The following BRINP2 variants were observed in gnomAD, a reference collection of about 807,000 sequenced individuals.
The protein encoded by BRINP2 is BMP/retinoic acid inducible neural specific 2, also known as BMP/retinoic acid-inducible neural-specific protein 2.
Under a neutral mutation model 69.2 loss-of-function variants are expected in BRINP2, and 21 were observed. The ratio of observed to expected loss-of-function variants is 0.30; its 90% CI spans 0.22 to 0.44. The LOEUF (loss-of-function observed/expected upper bound fraction) is 0.44, where lower values mean the gene tolerates loss of function less well. Ranked by LOEUF, BRINP2 falls within the 20% of genes least tolerant of loss-of-function variation. BRINP2 has a pLI of 1.00. For missense variants in BRINP2, 877 were observed against 986.0 expected (o/e 0.89, Z 1.48); for synonymous variants, 380 against 394.1 (o/e 0.96, Z 0.42).
intron 4 of BRINP2, among the ~76,000 whole-genome samples, chr1:177,258,458 G>A (rs1386109175): frequency 6.6e-6 from 1 of 152,236 alleles, no homozygotes; most frequent in Non-Finnish European, 1.5e-5. Flanking sequence ...TTCCTGCCCT[G>A]ATAAAGCTTG....
intron 2 of BRINP2, among the ~76,000 whole-genome samples, chr1:177,241,062 C>T (rs1650188094): frequency 6.6e-6 from 1 of 152,034 alleles, no homozygotes; most frequent in South Asian, 2.1e-4. Context: ...AACTCCGCCT[C>T]CCGGGTTCAT....
chr1:177,277,350 G>A (rs1322725214), intron 6 of BRINP2, among the ~76,000 whole-genome samples: 1 of 151,600 alleles, frequency 6.6e-6, no homozygotes, highest in Non-Finnish European at 1.5e-5. Flanking sequence ...GTTACATCTG[G>A]ATAGAGAGAA....
At chr1:177,181,926 T>C (rs937279387) in intron 1 of BRINP2, among the ~76,000 whole-genome samples, 15 of 152,220 alleles carry the variant, frequency 9.9e-5, no homozygotes, top group African/African-American at 3.6e-4. Context: ...CCCCGGAGGT[T>C]GCCGAGGAGT....
intron 6 of BRINP2, among the ~76,000 whole-genome samples, chr1:177,277,697 C>A (rs1258675702): frequency 6.6e-6 from 1 of 152,036 alleles, no homozygotes; most frequent in Non-Finnish European, 1.5e-5. Context: ...AGTCCCCAGG[C>A]TCATGCTTTG....
chr1:177,202,065 T>C (rs1341857018), intron 1 of BRINP2, among the ~76,000 whole-genome samples: 1 of 152,238 alleles, frequency 6.6e-6, no homozygotes, highest in Non-Finnish European at 1.5e-5. Context: ...GTCATTTTTT[T>C]ATTGCATCTA....
At chr1:177,171,950 T>G (rs1349177217) in intron 1 of BRINP2, among the ~76,000 whole-genome samples, 1 of 152,192 alleles carries the variant, frequency 6.6e-6, no homozygotes, top group Non-Finnish European at 1.5e-5. Context: ...TATTGCCTCC[T>G]GGTGTTGCAT....
intron 5 of BRINP2, among the ~76,000 whole-genome samples, chr1:177,274,087 CT>C (rs1651419201): frequency 6.6e-6 from 1 of 152,184 alleles, no homozygotes; most frequent in Non-Finnish European, 1.5e-5. Context: ...GTGGCCCCTG[CT>C]TTCTGTTATT....
At position 177,252,691 on chromosome 1, in the gene BRINP2, T is replaced by G. The variant is rs1571932505; in HGVS notation, c.270-3228T>G. 2.0e-5 allele frequency among the ~76,000 whole-genome samples: 3 copies of G among 152,100 alleles called. No individual in the cohort carries two copies. The East Asian group carries it at 5.8e-4, about 29-fold the overall frequency. On this transcript the variant is annotated intron_variant, in intron 2 of 7. Coordinates refer to ENST00000361539, the MANE Select transcript of BRINP2 (RefSeq NM_021165.4). ...AACTTATTCTTCCTAACTATAACTT[T>G]GTATCTGTCAACCAAGCTCTCCCCA...
Position 177,276,306 on chromosome 1 carries a change from G to T in BRINP2, c.884G>T (p.Cys295Phe), listed in dbSNP as rs755806751. ...GAGCTCGTCTGCAAGGAGAATGACT[G>T]CTGGTGCAAGTGCAGCCCCACCTTC... ...EGELVCKEND[C>F]WCKCSPTFPE... is the part of the protein sequence containing the mutation. Residue 295 changes from cysteine to phenylalanine, a missense_variant, in exon 6 of 8, where the codon TGC (cysteine) becomes TTC (phenylalanine). Physicochemically the swap from Cys to Phe is radical, Grantham distance 205. This residue lies in a region of BRINP2 where 566 missense variants were observed against 625.2 expected (regional missense o/e 0.91). Coordinates refer to ENST00000361539, the MANE Select transcript of BRINP2 (RefSeq NM_021165.4). The T allele has an allele frequency of 3.1e-6, 5 of 1,614,098 alleles. No homozygotes were observed. Among genetic ancestry groups the T allele is most frequent in the Non-Finnish European group, 4.2e-6 (5 of 1,180,052 alleles).
chr1:177,190,743 G>A (rs902759054), intron 1 of BRINP2, among the ~76,000 whole-genome samples: 2 of 152,222 alleles, frequency 1.3e-5, no homozygotes, highest in African/African-American at 4.8e-5. Flanking sequence ...GTATGGTTAA[G>A]ACAACAGACT....
chr1:177,201,720 G>A (rs1019994675), intron 1 of BRINP2, among the ~76,000 whole-genome samples: 1 of 152,160 alleles, frequency 6.6e-6, no homozygotes, highest in African/African-American at 2.4e-5. Context: ...CTCTTAAAAT[G>A]AGTTAGGGAG....
chr1:177,209,908 G>C (rs1649177588), intron 1 of BRINP2, among the ~76,000 whole-genome samples: 1 of 152,152 alleles, frequency 6.6e-6, no homozygotes, highest in Non-Finnish European at 1.5e-5. Flanking sequence ...AGAAGGTAAA[G>C]AGCATCCATA....
chr1:177,200,971 T>C (rs1466633584), intron 1 of BRINP2, among the ~76,000 whole-genome samples: 2 of 152,118 alleles, frequency 1.3e-5, no homozygotes, highest in African/African-American at 4.8e-5. Context: ...TGTTCTCACT[T>C]ATAAGTGAGA....
intron 4 of BRINP2, among the ~76,000 whole-genome samples, chr1:177,264,393 C>T (rs951555270): frequency 1.2e-4 from 18 of 152,200 alleles, no homozygotes; most frequent in Admixed American, 7.9e-4. Flanking sequence ...CTTTGAAAAT[C>T]GGCACAAGAC....
At chr1:177,192,134 G>T (rs1047242975) in intron 1 of BRINP2, among the ~76,000 whole-genome samples, 4 of 152,156 alleles carry the variant, frequency 2.6e-5, no homozygotes, top group African/African-American at 9.7e-5. Flanking sequence ...TCCAATAATT[G>T]CTCTGCTATG....
At chr1:177,202,556 G>T (rs1337558362) in intron 1 of BRINP2, among the ~76,000 whole-genome samples, 2 of 152,132 alleles carry the variant, frequency 1.3e-5, no homozygotes, top group African/African-American at 4.8e-5. Context: ...ATTGCACTGT[G>T]GTCTGAGAGA....
Position 177,171,467 on chromosome 1 carries a change from C to T in BRINP2, c.-342C>T. 1.2e-5 allele frequency: 2 copies of T among 162,940 alleles called. No individual in the cohort carries two copies. Among genetic ancestry groups the T allele is most frequent in the Non-Finnish European group, 2.6e-5 (2 of 75,914 alleles). The allele number at this position is 162,940 out of a possible 1,614,324, so 10.1% of individuals were successfully genotyped here. A position where few individuals can be genotyped will look rare whatever the true frequency, so the allele number is the denominator to read the frequency against. ...AGTGGTCTAACGTTGGCGGCGGTGG[C>T]GGTGGCGGCGGCGGCGGCACCGACA... On this transcript the variant is annotated 5_prime_UTR_variant, in exon 1 of 8. Transcript: ENST00000361539.
intron 1 of BRINP2, among the ~76,000 whole-genome samples, chr1:177,228,252 C>A (rs1649761232): frequency 1.3e-5 from 2 of 152,226 alleles, no homozygotes; most frequent in African/African-American, 2.4e-5. Context: ...CAAGCTGTGT[C>A]CTCCATCCTT....
chr1:177,229,494 C>G (rs981888151), intron 1 of BRINP2, among the ~76,000 whole-genome samples: 11 of 152,174 alleles, frequency 7.2e-5, no homozygotes, highest in African/African-American at 2.7e-4. Flanking sequence ...GGTTAAGAGT[C>G]AGATCCCCTG....
Sources: gnomAD v4.1 joint callset for allele counts (sites outside exome capture counted in the v4.1 genomes callset) on GRCh38, gnomAD v4.1.1 for gene constraint, gnomAD v4.1.1 regional missense constraint, MANE v1.5 for transcripts, NCBI Gene and HGNC (gene_info 2026-07-23, HGNC 2026-07-21) for gene names.